SCP2: variants seen among roughly 807,000 people sequenced by gnomAD.
SCP2 encodes the protein SCP-2/3-oxoacyl-CoA thiolase.
A neutral mutation model predicts 71.4 loss-of-function variants in SCP2; 48 were observed. The ratio of observed to expected loss-of-function variants is 0.67; its 90% CI spans 0.53 to 0.86. SCP2 has a LOEUF of 0.86. SCP2 is among the 40% of genes least tolerant of loss of function. The probability of loss-of-function intolerance (pLI) is 0.00; values close to 1 mark genes in which losing one functional copy is unlikely to be tolerated. For missense variants in SCP2, 560 were observed against 655.6 expected, an observed-to-expected ratio of 0.85 and a Z score of 1.59; for synonymous variants, 220 against 218.1, an observed-to-expected ratio of 1.01 and a Z score of -0.08.
intron 10 of SCP2, among the ~76,000 whole-genome samples, chr1:52,986,568 AAGGCAATATAATATATT>A (rs962485380): frequency 1.9e-4 from 29 of 152,188 alleles, no homozygotes; most frequent in Non-Finnish European, 2.8e-4. Flanking sequence ...TTTGTTTTTG[AAGGCAATATAATATATT>A]AGCTGAGAAC....
intron 7 of SCP2, among the ~76,000 whole-genome samples, chr1:52,976,258 A>G (rs1047147336): frequency 6.6e-6 from 1 of 152,086 alleles, no homozygotes; most frequent in African/African-American, 2.4e-5. Context: ...CACTGGCCAC[A>G]TAACTGAACT....
intron 11 of SCP2, among the ~76,000 whole-genome samples, chr1:53,013,651 T>C (rs1163178787): frequency 1.3e-5 from 2 of 151,978 alleles, no homozygotes; most frequent in African/African-American, 4.8e-5. Flanking sequence ...TGCTATGTTG[T>C]CCACACTGGG....
chr1:53,028,445 A>G (rs532026651), intron 13 of SCP2, among the ~76,000 whole-genome samples: 3 of 152,246 alleles, frequency 2.0e-5, no homozygotes, highest in Non-Finnish European at 4.4e-5. Flanking sequence ...CATTTCAAAG[A>G]ATAATATTTA....
At chr1:52,972,057 G>A (rs530185075) in intron 6 of SCP2, among the ~76,000 whole-genome samples, 53 of 152,246 alleles carry the variant, frequency 3.5e-4, no homozygotes, top group African/African-American at 1.3e-3. Flanking sequence ...TGGGGGTATT[G>A]TTTCTTTATT....
intron 15 of SCP2, chr1:53,049,773 C>A (rs1310818451): frequency 6.6e-6 from 1 of 152,154 alleles, no homozygotes; most frequent in East Asian, 1.9e-4. Flanking sequence ...AGGAATTAGT[C>A]ACCCTTACCA....
chr1:52,966,888 G>T (rs1030129491), intron 6 of SCP2, among the ~76,000 whole-genome samples: 1 of 145,104 alleles, frequency 6.9e-6, no homozygotes, highest in African/African-American at 2.6e-5. Flanking sequence ...ACAAGACTCC[G>T]TCTTAAAAAG....
At position 53,051,006 on chromosome 1, in the gene SCP2, G is replaced by A. The variant is rs909240090; in HGVS notation, c.*302G>A. The A allele has an allele frequency of 4.0e-5, 9 of 227,510 alleles. No homozygotes were observed. The highest frequency in any genetic ancestry group is 7.9e-5 in the Non-Finnish European group (9 of 114,142). 14.1% of individuals were successfully genotyped at this position (227,510 alleles called of 1,614,324 possible). On this transcript the variant is annotated 3_prime_UTR_variant, in exon 16 of 16. Transcript: ENST00000371514. Reference sequence around the variant, plus strand: ...GGAACAGTAAAATCCAAAGAACTATGTAAACAAAAAAGCTTTTGTTTTGCT... The same window carrying A: ...GGAACAGTAAAATCCAAAGAACTATATAAACAAAAAAGCTTTTGTTTTGCT...
intron 12 of SCP2, among the ~76,000 whole-genome samples, chr1:53,026,201 A>G (rs1662118972): frequency 6.6e-6 from 1 of 152,202 alleles, no homozygotes; most frequent in Non-Finnish European, 1.5e-5. Flanking sequence ...TGTGAAAATC[A>G]AATCAGTATA....
intron 1 of SCP2, among the ~76,000 whole-genome samples, chr1:52,938,755 A>C (rs1312542032): frequency 6.6e-6 from 1 of 152,176 alleles, no homozygotes; most frequent in African/African-American, 2.4e-5. Context: ...GCACACCCAG[A>C]GTGATACATT....
rs115810571 is a variant in SCP2 at position 52,927,317 on chromosome 1, A to T, written c.-80A>T. The stretch of plus-strand genomic sequence containing the variant: ...GCCCGCGGCCCTGGCTTCGGGCTTC[A>T]GGGAGCTCTGGTGCAGTCTCCGCCT... On this transcript the variant is annotated 5_prime_UTR_variant, in exon 1 of 16. Coordinates refer to ENST00000371514, the MANE Select transcript of SCP2 (RefSeq NM_002979.5). 9,969 of 1,276,736 alleles carry T rather than the reference A, an allele frequency of 7.8e-3. 550 individuals carry two copies. The African/African-American group carries it at 0.12, about 16-fold the overall frequency. The allele number at this position is 1,276,736 out of a possible 1,614,324, so 79.1% of individuals were successfully genotyped here.
chr1:52,935,200 A>G (rs1008412892), intron 1 of SCP2, among the ~76,000 whole-genome samples: 1 of 151,726 alleles, frequency 6.6e-6, no homozygotes, highest in African/African-American at 2.4e-5. Context: ...CGGGAGGCGG[A>G]GGTTGCAGGG....
intron 11 of SCP2, among the ~76,000 whole-genome samples, chr1:53,006,469 A>C (rs1452494143): frequency 2.6e-5 from 4 of 152,200 alleles, no homozygotes; most frequent in African/African-American, 9.7e-5. Context: ...AGTGGGGGCC[A>C]ATATTCAACA....
intron 13 of SCP2, among the ~76,000 whole-genome samples, chr1:53,030,068 T>C (rs1219273265): frequency 1.4e-4 from 22 of 152,134 alleles, no homozygotes; most frequent in Admixed American, 1.4e-3. Flanking sequence ...TTTGTATTTT[T>C]AGTAGAGATG....
chr1:53,011,748 C>T (rs967507993), intron 11 of SCP2, among the ~76,000 whole-genome samples: 1 of 152,168 alleles, frequency 6.6e-6, no homozygotes, highest in Non-Finnish European at 1.5e-5. Flanking sequence ...AATACCTCAT[C>T]GGTATCTGTA....
At chr1:53,032,759 A>G (rs1662643979) in intron 13 of SCP2, among the ~76,000 whole-genome samples, 1 of 152,206 alleles carries the variant, frequency 6.6e-6, no homozygotes, top group South Asian at 2.1e-4. Context: ...TGTTAGATGG[A>G]CTACTTGGCA....
chr1:52,977,953 C>T lies in SCP2; in HGVS notation c.675-264C>T, dbSNP rs182130539. The stretch of plus-strand genomic sequence containing the variant: ...TATACTCCAGCCTAGGCAACAAGAG[C>T]GAAACTCCATCTCAAAAAAAAAAAA... On this transcript the variant is annotated intron_variant, in intron 8 of 15. Coordinates refer to ENST00000371514, the MANE Select transcript of SCP2 (RefSeq NM_002979.5). 6.9e-4 allele frequency among the ~76,000 whole-genome samples: 103 copies of T among 148,256 alleles called. 1 individual carries two copies. Among genetic ancestry groups the T allele is most frequent in the Admixed American group, 4.8e-3 (71 of 14,916 alleles).
chr1:53,040,053 T>G (rs1663310098), intron 14 of SCP2, among the ~76,000 whole-genome samples: 1 of 152,174 alleles, frequency 6.6e-6, no homozygotes, highest in African/African-American at 2.4e-5. Flanking sequence ...TCTCTTATAC[T>G]CCACAGTTTA....
At chr1:53,021,318 T>C (rs1222824265) in intron 12 of SCP2, among the ~76,000 whole-genome samples, 1 of 71,046 alleles carries the variant, frequency 1.4e-5, no homozygotes, top group Non-Finnish European at 2.2e-5. Context: ...CGTCAACCAC[T>C]TTTTTTTTTT....
At chr1:53,023,101 G>T (rs545854589) in intron 12 of SCP2, among the ~76,000 whole-genome samples, 1 of 152,294 alleles carries the variant, frequency 6.6e-6, no homozygotes, top group South Asian at 2.1e-4. Context: ...AGTTTTCTTA[G>T]AGCAGGGCAC....
Sources: allele counts gnomAD v4.1 joint callset (sites outside exome capture counted in the v4.1 genomes callset), GRCh38; gene constraint gnomAD v4.1.1; transcripts MANE v1.5; gene names NCBI Gene and HGNC (gene_info 2026-07-23, HGNC 2026-07-21).